Variants in KANSL1L observed in about 807,000 individuals in gnomAD.
The protein encoded by KANSL1L is KAT8 regulatory NSL complex subunit 1 like, also known as KAT8 regulatory NSL complex subunit 1-like protein.
In KANSL1L, 25 loss-of-function variants were observed where a neutral mutation model predicts 108.6. The ratio of observed to expected loss-of-function variants is 0.23; its 90% CI spans 0.17 to 0.32. The LOEUF (loss-of-function observed/expected upper bound fraction) is 0.32. Among genes scored for constraint, KANSL1L ranks in the 10% least tolerant of loss-of-function variants. KANSL1L has a pLI of 1.00. For synonymous variants in KANSL1L, 405 were observed against 395.1 expected, an observed-to-expected ratio of 1.03 and a Z score of -0.30; for missense variants, 1,137 against 1,125.7, an observed-to-expected ratio of 1.01 and a Z score of -0.14.
intron 2 of KANSL1L, among the ~76,000 whole-genome samples, chr2:210,138,282 A>G (rs1281695950): frequency 6.6e-6 from 1 of 152,078 alleles, no homozygotes; most frequent in Non-Finnish European, 1.5e-5. Context: ...ACATAGACAT[A>G]AAGATGGCAA....
chr2:210,073,603 A>C (rs1245421154), intron 6 of KANSL1L, among the ~76,000 whole-genome samples: 1 of 152,106 alleles, frequency 6.6e-6, no homozygotes, highest in Non-Finnish European at 1.5e-5. Context: ...CAATAGCTAC[A>C]TGTGTCTAGG....
chr2:210,081,305 C>T (rs1348714147), intron 5 of KANSL1L, among the ~76,000 whole-genome samples: 2 of 152,174 alleles, frequency 1.3e-5, no homozygotes, highest in East Asian at 3.9e-4. Flanking sequence ...ACACTTCATA[C>T]TGTATAAGAT....
chr2:210,070,618 A>C (rs998573651), intron 6 of KANSL1L, among the ~76,000 whole-genome samples: 1 of 152,082 alleles, frequency 6.6e-6, no homozygotes, highest in Non-Finnish European at 1.5e-5. Context: ...CTTAATTGCA[A>C]CTACAAAGAC....
At chr2:210,078,242 T>A (rs2094556170) in intron 5 of KANSL1L, among the ~76,000 whole-genome samples, 2 of 152,160 alleles carry the variant, frequency 1.3e-5, no homozygotes, top group Admixed American at 6.5e-5. Context: ...ATAATAGAAA[T>A]TTTTCAGCTT....
intron 2 of KANSL1L, among the ~76,000 whole-genome samples, chr2:210,134,064 T>TC (rs2095152269): frequency 6.6e-6 from 1 of 152,144 alleles, no homozygotes; most frequent in East Asian, 1.9e-4. Flanking sequence ...TGACTTTTTT[T>TC]CCCCACCTTT....
chr2:210,171,625 C>T (rs1327716684), upstream of KANSL1L: 2 of 152,588 alleles, frequency 1.3e-5, no homozygotes, highest in Admixed American at 6.5e-5. Context: ...CCTGCTTCCT[C>T]CCTTCTCTTT....
intron 3 of KANSL1L, among the ~76,000 whole-genome samples, chr2:210,114,942 A>T (rs1359954681): frequency 6.6e-6 from 1 of 152,132 alleles, no homozygotes; most frequent in Non-Finnish European, 1.5e-5. Flanking sequence ...TACAGAATAT[A>T]TATAAAAGGA....
chr2:210,151,321 CAA>C (rs2095302298), intron 2 of KANSL1L: 1 of 152,090 alleles, frequency 6.6e-6, no homozygotes, highest in Non-Finnish European at 1.5e-5. Context: ...AAGCCCTGCC[CAA>C]AAGTTTCTTA....
chr2:210,150,097 T>A (rs532140266), intron 2 of KANSL1L, among the ~76,000 whole-genome samples: 1 of 152,254 alleles, frequency 6.6e-6, no homozygotes, highest in South Asian at 2.1e-4. Context: ...AGGCCAATAA[T>A]GCAAGAGGCC....
chr2:210,080,932 C>T (rs948392986), intron 5 of KANSL1L, among the ~76,000 whole-genome samples: 6 of 151,798 alleles, frequency 4.0e-5, no homozygotes. Flanking sequence ...CATGGTGAAA[C>T]CCTGTCTGTA....
chr2:210,160,313 T>G (rs1057150235), intron 1 of KANSL1L, among the ~76,000 whole-genome samples: 3 of 151,958 alleles, frequency 2.0e-5, no homozygotes, highest in Non-Finnish European at 4.4e-5. Flanking sequence ...TCATACTCAA[T>G]GTTGTACTGG....
intron 5 of KANSL1L, among the ~76,000 whole-genome samples, chr2:210,092,865 T>C (rs2094704164): frequency 6.6e-6 from 1 of 152,184 alleles, no homozygotes; most frequent in Non-Finnish European, 1.5e-5. Flanking sequence ...GATGCAAACT[T>C]GGATTGAAAA....
chr2:210,102,612 A>G (rs1307421165), intron 4 of KANSL1L, among the ~76,000 whole-genome samples: 2 of 152,176 alleles, frequency 1.3e-5, no homozygotes, highest in Non-Finnish European at 2.9e-5. Context: ...ACTCAAACAA[A>G]TTTACGAGAA....
At chr2:210,058,637 T>C (rs2094383958) in intron 6 of KANSL1L, among the ~76,000 whole-genome samples, 1 of 151,912 alleles carries the variant, frequency 6.6e-6, no homozygotes, top group South Asian at 2.1e-4. Context: ...ATCGAGCCCA[T>C]CCTGGCTAAC....
intron 2 of KANSL1L, among the ~76,000 whole-genome samples, chr2:210,144,087 T>C (rs1390829678): frequency 6.6e-6 from 1 of 152,188 alleles, no homozygotes; most frequent in Non-Finnish European, 1.5e-5. Flanking sequence ...ACAGTTTTGC[T>C]GGGTTTGGTT....
chr2:210,030,601 A>G (rs1465054160), intron 9 of KANSL1L: 1 of 149,300 alleles, frequency 6.7e-6, no homozygotes, highest in Non-Finnish European at 1.5e-5. Flanking sequence ...TTATTTTAGT[A>G]CAAGTGTTTT....
intron 6 of KANSL1L, among the ~76,000 whole-genome samples, chr2:210,060,122 C>G (rs1156969318): frequency 6.6e-6 from 1 of 152,038 alleles, no homozygotes; most frequent in African/African-American, 2.4e-5. Context: ...AAAAAAGTGG[C>G]CTGCATTCAC....
At chr2:210,089,885 T>C (rs1392664549) in intron 5 of KANSL1L, among the ~76,000 whole-genome samples, 1 of 152,024 alleles carries the variant, frequency 6.6e-6, no homozygotes, top group African/African-American at 2.4e-5. Context: ...GACGGAAAAA[T>C]AGTGCCTCAT....
chr2:210,163,338 C>T (rs779542976), intron 1 of KANSL1L, among the ~76,000 whole-genome samples: 2 of 152,070 alleles, frequency 1.3e-5, no homozygotes, highest in African/African-American at 4.8e-5. Context: ...AAATGAAATG[C>T]TAGAAATCAA....
Sources: gnomAD v4.1 joint callset for allele counts (sites outside exome capture counted in the v4.1 genomes callset) on GRCh38, gnomAD v4.1.1 for gene constraint, MANE v1.5 for transcripts, NCBI Gene and HGNC (gene_info 2026-07-23, HGNC 2026-07-21) for gene names.